The following SYNPR variants were observed in gnomAD, a reference collection of about 807,000 sequenced individuals.
The protein encoded by SYNPR is synaptoporin.
SYNPR carries 23 observed loss-of-function variants against 32.9 expected under a neutral mutation model. That is an observed-to-expected ratio of 0.70 (90% CI 0.50 to 0.99). SYNPR has a LOEUF of 0.99. Among genes scored for constraint, SYNPR ranks in the 50% least tolerant of loss-of-function variants. The pLI is 0.00. For synonymous variants in SYNPR, 146 were observed against 135.9 expected (o/e 1.07, Z -0.52); for missense variants, 318 against 349.3 (o/e 0.91, Z 0.71).
intron 2 of SYNPR, among the ~76,000 whole-genome samples, chr3:63,474,203 C>T (rs1422943635): frequency 1.3e-5 from 2 of 152,162 alleles, no homozygotes; most frequent in African/African-American, 2.4e-5. Flanking sequence ...CCACCAATTT[C>T]CTTCTCACAC....
chr3:63,476,481 T>A (rs1700927966), intron 2 of SYNPR, among the ~76,000 whole-genome samples: 1 of 152,126 alleles, frequency 6.6e-6, no homozygotes, highest in Non-Finnish European at 1.5e-5. Context: ...AGCTTCCAGA[T>A]AATGTGATTT....
At chr3:63,615,160 A>G in intron 5 of SYNPR, 64 bp from the exon 6 acceptor site, 1 of 1,550,062 alleles carries the variant, frequency 6.5e-7, no homozygotes, top group South Asian at 1.2e-5. Context: ...GATTTTTCCA[A>G]AATTGAAATT....
At chr3:63,366,570 G>T (rs1001908595) in intron 2 of SYNPR, among the ~76,000 whole-genome samples, 1 of 152,144 alleles carries the variant, frequency 6.6e-6, no homozygotes, top group Non-Finnish European at 1.5e-5. Flanking sequence ...CTCCTGTTAA[G>T]AAAATAAACC....
chr3:63,588,410 T>C (rs1703231261), intron 4 of SYNPR, among the ~76,000 whole-genome samples: 1 of 152,080 alleles, frequency 6.6e-6, no homozygotes, highest in Non-Finnish European at 1.5e-5. Flanking sequence ...TCTGGTGTTT[T>C]CCAGCTATAT....
At chr3:63,334,292 GGTCAACCTTGGT>G (rs1165219562) in intron 2 of SYNPR, among the ~76,000 whole-genome samples, 2 of 152,182 alleles carry the variant, frequency 1.3e-5, no homozygotes, top group Non-Finnish European at 2.9e-5. Context: ...AAAATCAGAA[GGTCAACCTTGGT>G]GGCTTTGGCA....
chr3:63,346,465 A>G lies in SYNPR; in HGVS notation c.84+67723A>G, dbSNP rs140426241. On this transcript the variant is annotated intron_variant, in intron 2 of 5. Transcript: ENST00000478300. ...AAAAGTATGATGAAATGCATACTCCATTTATTTTTTCATTTTTTTGTTTTG... is the reference window on the plus strand; with the variant it reads ...AAAAGTATGATGAAATGCATACTCCGTTTATTTTTTCATTTTTTTGTTTTG... Among the ~76,000 whole-genome samples the G allele has an allele frequency of 3.5e-3, 534 of 152,132 alleles. 7 individuals are homozygous for G. Among genetic ancestry groups the G allele is most frequent in the African/African-American group, 0.012 (506 of 41,498 alleles).
chr3:63,402,396 G>C (rs1360948944), intron 2 of SYNPR, among the ~76,000 whole-genome samples: 1 of 152,160 alleles, frequency 6.6e-6, no homozygotes, highest in Non-Finnish European at 1.5e-5. Flanking sequence ...ATAAAAATCA[G>C]AGGATAGAAA....
intron 2 of SYNPR, among the ~76,000 whole-genome samples, chr3:63,375,381 C>A (rs1332556318): frequency 6.6e-6 from 1 of 152,112 alleles, no homozygotes; most frequent in Non-Finnish European, 1.5e-5. Context: ...CCATGGAATA[C>A]TATGCAGCCA....
intron 2 of SYNPR, among the ~76,000 whole-genome samples, chr3:63,432,857 C>T (rs985430654): frequency 6.6e-6 from 1 of 152,214 alleles, no homozygotes; most frequent in African/African-American, 2.4e-5. Context: ...TAATCACTAG[C>T]TTCATGTGCT....
In SYNPR at chr3:63,609,268, A is replaced by C; in HGVS notation, c.552A>C (p.Lys184Asn). 1 of 1,604,178 alleles carries C rather than the reference A, an allele frequency of 6.2e-7. No individual in the cohort carries two copies. The highest frequency in any genetic ancestry group is 1.1e-5 in the South Asian group (1 of 88,964). Reference protein sequence around the residue: ...LMSACKQPSNKCMAIHSPVMS... With the variant: ...LMSACKQPSNNCMAIHSPVMS... ...CAGCTTGCAAACAGCCATCCAACAA[A>C]TGCATGGCTATCCACAGCCCTGTTA... The change falls in exon 5 of 6, where the codon AAA (lysine) becomes AAC (asparagine). Residue 184 changes from lysine (K) to asparagine (N), a missense_variant. By Grantham distance (94) the Lys-to-Asn change is moderately conservative. Transcript: ENST00000478300.
intron 4 of SYNPR, among the ~76,000 whole-genome samples, chr3:63,571,863 A>G (rs1299214137): frequency 6.6e-6 from 1 of 152,150 alleles, no homozygotes; most frequent in East Asian, 1.9e-4. Flanking sequence ...GGACAATGCC[A>G]CCCTTTCAGT....
chr3:63,509,862 T>C (rs570466355), intron 3 of SYNPR, among the ~76,000 whole-genome samples: 1 of 152,270 alleles, frequency 6.6e-6, no homozygotes, highest in African/African-American at 2.4e-5. Flanking sequence ...ATGACATACA[T>C]TATAACGCAG....
At chr3:63,445,885 A>G (rs894250079) in intron 2 of SYNPR, among the ~76,000 whole-genome samples, 19 of 152,168 alleles carry the variant, frequency 1.2e-4, no homozygotes, top group African/African-American at 4.3e-4. Context: ...ATTTTTCCCC[A>G]TTCTGATACA....
chr3:63,376,553 G>A (rs55661327), intron 2 of SYNPR, among the ~76,000 whole-genome samples: 1 of 152,048 alleles, frequency 6.6e-6, no homozygotes, highest in Non-Finnish European at 1.5e-5. Flanking sequence ...TTCTACCCCA[G>A]TGCCTTTGCA....
chr3:63,508,834 T>G (rs1431858219), intron 3 of SYNPR, among the ~76,000 whole-genome samples: 1 of 152,152 alleles, frequency 6.6e-6, no homozygotes, highest in East Asian at 1.9e-4. Context: ...GGGAAAGCTA[T>G]TCCCAGAAGA....
intron 2 of SYNPR, among the ~76,000 whole-genome samples, chr3:63,367,463 C>A (rs1184120432): frequency 2.0e-5 from 3 of 151,952 alleles, no homozygotes; most frequent in Non-Finnish European, 2.9e-5. Context: ...AGGCTCAAAC[C>A]CTCCCAACTC....
chr3:63,285,653 G>A (rs1484404049), intron 2 of SYNPR, among the ~76,000 whole-genome samples: 1 of 152,144 alleles, frequency 6.6e-6, no homozygotes, highest in East Asian at 1.9e-4. Flanking sequence ...TTTCCTGAGT[G>A]TATTAAGACA....
chr3:63,269,514 C>T (rs1416083334), intron 3 of SYNPR, among the ~76,000 whole-genome samples: 6 of 151,912 alleles, frequency 3.9e-5, no homozygotes, highest in African/African-American at 1.5e-4. Flanking sequence ...GAAATGAAGA[C>T]CAATCCTAGA....
intron 2 of SYNPR, among the ~76,000 whole-genome samples, chr3:63,434,918 T>C (rs1700054340): frequency 6.6e-6 from 1 of 152,358 alleles, no homozygotes; most frequent in African/African-American, 2.4e-5. Flanking sequence ...ATGAACAATG[T>C]AATATTGTGT....
Sources: gnomAD v4.1 joint callset for allele counts (sites outside exome capture counted in the v4.1 genomes callset) on GRCh38, gnomAD v4.1.1 for gene constraint, MANE v1.5 for transcripts, NCBI Gene and HGNC (gene_info 2026-07-23, HGNC 2026-07-21) for gene names.